The following INPP4B variants were observed in gnomAD, a reference collection of about 807,000 sequenced individuals.
INPP4B encodes the protein inositol polyphosphate 4-phosphatase type II.
In INPP4B, 55 loss-of-function variants were observed where a neutral mutation model predicts 122.5. That is an observed-to-expected ratio of 0.45 (90% CI 0.36 to 0.56). INPP4B has a LOEUF of 0.56. INPP4B is among the 20% of genes least tolerant of loss of function. INPP4B has a pLI of 0.00. For synonymous variants in INPP4B, 403 were observed against 388.7 expected (o/e 1.04, Z -0.43); for missense variants, 1,000 against 1,097.7 (o/e 0.91, Z 1.26).
intron 11 of INPP4B, among the ~76,000 whole-genome samples, chr4:142,253,083 T>A (rs1176396464): frequency 6.6e-6 from 1 of 152,198 alleles, no homozygotes; most frequent in Non-Finnish European, 1.5e-5. Flanking sequence ...TAAGTATTTA[T>A]GTACCTAAAC....
chr4:142,611,508 G>T (rs1196062850), intron 2 of INPP4B, among the ~76,000 whole-genome samples: 1 of 151,294 alleles, frequency 6.6e-6, no homozygotes, highest in Non-Finnish European at 1.5e-5. Flanking sequence ...ACTTTTATCT[G>T]GCCTAACATT....
chr4:142,521,502 C>A (rs6537106), intron 2 of INPP4B, among the ~76,000 whole-genome samples: 147,080 of 152,084 alleles, frequency 0.97, 71,308 homozygotes, highest in East Asian at 1. Flanking sequence ...GAAAAAACTA[C>A]AACAAGTACT....
At chr4:142,741,880 G>C (rs1767949909) in intron 1 of INPP4B, among the ~76,000 whole-genome samples, 1 of 151,826 alleles carries the variant, frequency 6.6e-6, no homozygotes, top group African/African-American at 2.4e-5. Flanking sequence ...AGGGCAAAAA[G>C]TTTAAGGAGG....
intron 18 of INPP4B, among the ~76,000 whole-genome samples, chr4:142,129,829 A>G (rs1800407554): frequency 6.6e-6 from 1 of 152,072 alleles, no homozygotes; most frequent in Non-Finnish European, 1.5e-5. Flanking sequence ...TCTTTCTTAT[A>G]TCATTGCTCC....
At chr4:142,081,453 C>T (rs766100064) in intron 25 of INPP4B, among the ~76,000 whole-genome samples, 4 of 152,100 alleles carry the variant, frequency 2.6e-5, no homozygotes, top group Non-Finnish European at 4.4e-5. Flanking sequence ...TAAATGTCGG[C>T]AGAGTAACCA....
chr4:142,504,824 A>G (rs1190050529), intron 2 of INPP4B, among the ~76,000 whole-genome samples: 1 of 152,168 alleles, frequency 6.6e-6, no homozygotes, highest in Non-Finnish European at 1.5e-5. Context: ...TATTAATAGT[A>G]TATGAAATGA....
At chr4:142,332,492 A>T (rs1774899116) in intron 7 of INPP4B, among the ~76,000 whole-genome samples, 1 of 152,124 alleles carries the variant, frequency 6.6e-6, no homozygotes, top group Non-Finnish European at 1.5e-5. Flanking sequence ...GAGTACACTT[A>T]TTAAAGGGGG....
At chr4:142,690,126 G>A (rs1247384689) in intron 2 of INPP4B, among the ~76,000 whole-genome samples, 1 of 152,142 alleles carries the variant, frequency 6.6e-6, no homozygotes, top group Non-Finnish European at 1.5e-5. Context: ...ATGACTTCAA[G>A]TCAGGATCTG....
intron 9 of INPP4B, among the ~76,000 whole-genome samples, chr4:142,286,022 C>T (rs147157046): frequency 6.6e-6 from 1 of 152,234 alleles, no homozygotes; most frequent in Admixed American, 6.5e-5. Flanking sequence ...GGGACTGAAT[C>T]ACGATTTAAG....
chr4:142,751,603 A>T lies in INPP4B; in HGVS notation c.-253-25702T>A, dbSNP rs564131668. On this transcript the variant is annotated intron_variant, in intron 1 of 25. Transcript: ENST00000262992. Reference sequence around the variant, plus strand: ...CCTAATGGCCTCCTCAAGACACATGATTCTGTGATTCTATTAATATGCCAT... The same window carrying T: ...CCTAATGGCCTCCTCAAGACACATGTTTCTGTGATTCTATTAATATGCCAT... Among the ~76,000 whole-genome samples, 10 of 152,172 alleles carry T rather than the reference A, an allele frequency of 6.6e-5. No individual in the cohort carries two copies. The South Asian group carries it at 2.1e-3, about 32-fold the overall frequency.
chr4:142,495,825 C>A (rs1822480211), intron 2 of INPP4B, among the ~76,000 whole-genome samples: 1 of 152,130 alleles, frequency 6.6e-6, no homozygotes. Context: ...GATTTTGTTA[C>A]TTCTTTGCTG....
chr4:142,389,450 G>T (rs566646458), intron 7 of INPP4B, among the ~76,000 whole-genome samples: 1 of 152,192 alleles, frequency 6.6e-6, no homozygotes, highest in African/African-American at 2.4e-5. Flanking sequence ...ATGCCTTTTA[G>T]TTTACGTGAC....
intron 25 of INPP4B, among the ~76,000 whole-genome samples, chr4:142,070,029 AC>A (rs1766083967): frequency 6.6e-6 from 1 of 152,182 alleles, no homozygotes; most frequent in Non-Finnish European, 1.5e-5. Flanking sequence ...CAGAGACACA[AC>A]AAAAAAAGAG....
At chr4:142,585,065 T>C (rs1458250798) in intron 2 of INPP4B, among the ~76,000 whole-genome samples, 1 of 152,030 alleles carries the variant, frequency 6.6e-6, no homozygotes, top group Non-Finnish European at 1.5e-5. Flanking sequence ...GTGTGTGTGG[T>C]GGTGGGGGAG....
intron 2 of INPP4B, among the ~76,000 whole-genome samples, chr4:142,717,994 G>A (rs548794004): frequency 6.6e-6 from 1 of 150,572 alleles, no homozygotes; most frequent in South Asian, 2.1e-4. Context: ...GGAGAAAAAA[G>A]TTAAATTCTA....
chr4:142,845,214 G>T (rs1344309010), intron 1 of INPP4B, among the ~76,000 whole-genome samples: 1 of 152,114 alleles, frequency 6.6e-6, no homozygotes, highest in Non-Finnish European at 1.5e-5. Context: ...AAGAGAAACT[G>T]CTGGGCCCCT....
rs34074117 is a variant in INPP4B at position 142,761,170 on chromosome 4, A to ATTT, written c.-253-35272_-253-35270dup. 5.8e-3 allele frequency among the ~76,000 whole-genome samples: 849 copies of ATTT among 145,878 alleles called. 12 individuals carry two copies. Among genetic ancestry groups the ATTT allele is most frequent in the African/African-American group, 0.02 (810 of 39,874 alleles). ...TAACTACATTGTCATAAAATAAGCAATTTTTTTTTTTTTTGCTTTTTGCTA... is the reference window on the plus strand; with the variant it reads ...TAACTACATTGTCATAAAATAAGCAATTTTTTTTTTTTTTTTTGCTTTTTGCTA... On this transcript the variant is annotated intron_variant, in intron 1 of 25. Coordinates refer to ENST00000262992, the MANE Select transcript of INPP4B (RefSeq NM_001101669.3).
chr4:142,140,497 A>G (rs894970625), intron 18 of INPP4B, among the ~76,000 whole-genome samples: 6 of 152,190 alleles, frequency 3.9e-5, no homozygotes, highest in Admixed American at 3.9e-4. Flanking sequence ...AAGAATCTCT[A>G]TGTAGCTCTG....
intron 1 of INPP4B, chr4:142,795,686 A>G (rs909750650): frequency 9.2e-5 from 14 of 151,974 alleles, no homozygotes; most frequent in African/African-American, 3.1e-4. Context: ...GCTAATTATC[A>G]TCATTATTCT....
Sources: allele counts gnomAD v4.1 joint callset (sites outside exome capture counted in the v4.1 genomes callset), GRCh38; gene constraint gnomAD v4.1.1; transcripts MANE v1.5; gene names NCBI Gene and HGNC (gene_info 2026-07-23, HGNC 2026-07-21).